PAWR: variants seen among roughly 807,000 people sequenced by gnomAD.
PAWR encodes pro-apoptotic WT1 regulator.
Under a neutral mutation model 32.0 loss-of-function variants are expected in PAWR, and 23 were observed. That is an observed-to-expected ratio of 0.72 (90% CI 0.52 to 1.02). The LOEUF is 1.02. Among genes scored for constraint, PAWR ranks in the 50% least tolerant of loss-of-function variants. The pLI, the probability that PAWR is intolerant of heterozygous loss-of-function variation, is 0.00. For missense variants in PAWR, 457 were observed against 437.7 expected, an observed-to-expected ratio of 1.04 and a Z score of -0.39; for synonymous variants, 226 against 187.1, an observed-to-expected ratio of 1.21 and a Z score of -1.70.
chr12:79,630,994 G>T (rs1253284143), intron 2 of PAWR, among the ~76,000 whole-genome samples: 1 of 152,066 alleles, frequency 6.6e-6, no homozygotes, highest in Non-Finnish European at 1.5e-5. Context: ...CCAAAATGGG[G>T]TCTATCCCAG....
At chr12:79,673,913 G>A (rs1262801561) in intron 2 of PAWR, among the ~76,000 whole-genome samples, 1 of 151,968 alleles carries the variant, frequency 6.6e-6, no homozygotes, top group African/African-American at 2.4e-5. Flanking sequence ...ATGACACAAA[G>A]TAATGGAAAA....
chr12:79,611,498 A>G (rs1277492509), intron 4 of PAWR, among the ~76,000 whole-genome samples: 1 of 151,788 alleles, frequency 6.6e-6, no homozygotes, highest in Non-Finnish European at 1.5e-5. Flanking sequence ...AGTCATTGCT[A>G]TAACTTGCTG....
chr12:79,640,055 C>A (rs1012085504), intron 2 of PAWR, among the ~76,000 whole-genome samples: 1 of 151,974 alleles, frequency 6.6e-6, no homozygotes, highest in African/African-American at 2.4e-5. Flanking sequence ...CAGGTGCCTG[C>A]GAACACACCT....
intron 2 of PAWR, among the ~76,000 whole-genome samples, chr12:79,685,703 C>CT: frequency 1.3e-5 from 2 of 152,300 alleles, no homozygotes; most frequent in Admixed American, 1.3e-4. Context: ...GAGGCAATCT[C>CT]TGAGTCCACA....
At position 79,585,531 on chromosome 12, in the gene PAWR, T is replaced by G; in HGVS notation, c.*7076A>C. ...CAAAGACTAGCTTTGTGATACAATG[T>G]CACCTTACCAATCTGTACACTCCAC... On this transcript the variant is annotated 3_prime_UTR_variant, in exon 7 of 7. Transcript: ENST00000328827. The G allele has an allele frequency of 5.8e-6, 1 of 171,126 alleles. No homozygotes were observed. Among genetic ancestry groups the G allele is most frequent in the South Asian group, 1.5e-4 (1 of 6,840 alleles). 10.6% of individuals were successfully genotyped at this position (171,126 alleles called of 1,614,324 possible).
chr12:79,660,394 G>A (rs1877290838), intron 2 of PAWR, among the ~76,000 whole-genome samples: 1 of 152,038 alleles, frequency 6.6e-6, no homozygotes, highest in Non-Finnish European at 1.5e-5. Context: ...GAAACAAACA[G>A]AAGTGCTAAG....
intron 2 of PAWR, among the ~76,000 whole-genome samples, chr12:79,637,368 C>T (rs1055528043): frequency 6.6e-6 from 1 of 151,496 alleles, no homozygotes; most frequent in African/African-American, 2.4e-5. Flanking sequence ...TTCTTTAATC[C>T]GCCTCCTTCT....
intron 2 of PAWR, among the ~76,000 whole-genome samples, chr12:79,679,497 C>G (rs1339722164): frequency 6.6e-6 from 1 of 152,112 alleles, no homozygotes; most frequent in Non-Finnish European, 1.5e-5. Context: ...CTTTAAGAAA[C>G]TGACCAATTA....
intron 3 of PAWR, among the ~76,000 whole-genome samples, chr12:79,615,514 A>T (rs1282793955): frequency 6.6e-6 from 1 of 152,172 alleles, no homozygotes; most frequent in Admixed American, 6.6e-5. Flanking sequence ...ATACAAAGAC[A>T]TTTTAACCAT....
intron 2 of PAWR, among the ~76,000 whole-genome samples, chr12:79,672,095 G>A (rs140067242): frequency 3.7e-4 from 56 of 152,048 alleles, no homozygotes; most frequent in African/African-American, 1.3e-3. Context: ...TATTCCATAC[G>A]CAATCCCGTC....
In PAWR at chr12:79,588,682, T is replaced by C. The variant is rs1234722997; in HGVS notation, c.*3925A>G. ...TCCATGTCCATTTATTTAAAGATTC[T>C]GTAACACCTGTAATAGTATTTAATA... On this transcript the variant is annotated 3_prime_UTR_variant, in exon 7 of 7. Coordinates refer to ENST00000328827, the MANE Select transcript of PAWR (RefSeq NM_002583.4). The C allele has an allele frequency of 6.6e-6, 1 of 152,032 alleles. No individual in the cohort carries two copies. 9.4% of individuals were successfully genotyped at this position (152,032 alleles called of 1,614,324 possible). A position where few individuals can be genotyped will look rare whatever the true frequency, so the allele number is the denominator to read the frequency against.
chr12:79,690,720 C>G (rs1172991765), intron 1 of PAWR, 152 bp downstream of exon 1: 1 of 152,856 alleles, frequency 6.5e-6, no homozygotes, highest in East Asian at 1.9e-4. Flanking sequence ...ATCGCCTGCT[C>G]CGCGCTCTAG....
chr12:79,612,951 T>A (rs1392152326), intron 4 of PAWR, among the ~76,000 whole-genome samples: 1 of 152,226 alleles, frequency 6.6e-6, no homozygotes, highest in African/African-American at 2.4e-5. Context: ...AAAATTCATA[T>A]GTTGAAGCCA....
rs200772005 is a variant in PAWR at position 79,611,191 on chromosome 12, TATAG to T, written c.683+2380_683+2383del. 4.4e-3 allele frequency among the ~76,000 whole-genome samples: 652 copies of T among 146,592 alleles called. 11 individuals carry two copies. Among genetic ancestry groups the T allele is most frequent in the African/African-American group, 0.015 (610 of 40,702 alleles). ...CTTATAGATATTTATATATAAATCT[TATAG>T]ATATTTATATATAAAACTTATAGAT... On this transcript the variant is annotated intron_variant, in intron 4 of 6. Transcript: ENST00000328827.
At chr12:79,688,072 A>T (rs1878769552) in intron 2 of PAWR, among the ~76,000 whole-genome samples, 1 of 152,102 alleles carries the variant, frequency 6.6e-6, no homozygotes, top group Non-Finnish European at 1.5e-5. Flanking sequence ...CAAACGAAAA[A>T]CATTCCAGAG....
At chr12:79,626,163 TA>T (rs565157190) in intron 2 of PAWR, among the ~76,000 whole-genome samples, 29,609 of 81,298 alleles carry the variant, frequency 0.36, 5,938 homozygotes, top group Non-Finnish European at 0.55. Flanking sequence ...GACTCCATCT[TA>T]AAAAAAAAAA....
At chr12:79,596,278 T>C (rs1032091004) in intron 5 of PAWR, among the ~76,000 whole-genome samples, 1 of 152,186 alleles carries the variant, frequency 6.6e-6, no homozygotes, top group African/African-American at 2.4e-5. Flanking sequence ...AAGTTACAAA[T>C]GAAAATCTAT....
rs1238810812 is a variant in PAWR at position 79,632,346 on chromosome 12, T to TACAAA, written c.517-11140_517-11139insTTTGT. 4.5e-5 allele frequency among the ~76,000 whole-genome samples: 3 copies of TACAAA among 66,800 alleles called. 1 individual carries two copies. Among genetic ancestry groups the TACAAA allele is most frequent in the Admixed American group, 1.7e-4 (1 of 5,730 alleles). The allele number at this position is 66,800 out of a possible 152,430, so 43.8% of individuals were successfully genotyped here. ...ATATATATATATATATATATATATA[T>TACAAA]ATATATATATATATATTTTTTTTTT... is the stretch of plus-strand genomic sequence containing the variant. On this transcript the variant is annotated intron_variant, in intron 2 of 6. Coordinates refer to ENST00000328827, the MANE Select transcript of PAWR (RefSeq NM_002583.4).
intron 2 of PAWR, among the ~76,000 whole-genome samples, chr12:79,656,374 A>T (rs1028188180): frequency 6.6e-6 from 1 of 152,176 alleles, no homozygotes; most frequent in Non-Finnish European, 1.5e-5. Flanking sequence ...AATGGGAGAG[A>T]AGTAGATGAA....
Sources: allele counts gnomAD v4.1 joint callset (sites outside exome capture counted in the v4.1 genomes callset), GRCh38; gene constraint gnomAD v4.1.1; transcripts MANE v1.5; gene names NCBI Gene and HGNC (gene_info 2026-07-23, HGNC 2026-07-21).